Variants in VPS13B observed in about 807,000 individuals in gnomAD.
The protein encoded by VPS13B is vacuolar protein sorting 13 homolog B.
Under a neutral mutation model 426.4 loss-of-function variants are expected in VPS13B, and 285 were observed. The observed-to-expected ratio is 0.67, with a 90% confidence interval of 0.61 to 0.74. The LOEUF (loss-of-function observed/expected upper bound fraction) is 0.74. Among genes scored for constraint, VPS13B ranks in the 30% least tolerant of loss-of-function variants. The pLI, the probability that VPS13B is intolerant of heterozygous loss-of-function variation, is 0.00. For missense variants in VPS13B, 4,537 were observed against 4,782.6 expected (o/e 0.95, Z 1.51); for synonymous variants, 1,676 against 1,676.4 (o/e 1.00, Z 0.01).
intron 31 of VPS13B, among the ~76,000 whole-genome samples, chr8:99,567,467 G>A (rs1352347349): frequency 7.1e-6 from 1 of 140,534 alleles, no homozygotes. Context: ...TGGCAGGAAA[G>A]TTTTTGTTGG....
chr8:99,616,688 G>T (rs1311237464), intron 33 of VPS13B, among the ~76,000 whole-genome samples: 1 of 152,188 alleles, frequency 6.6e-6, no homozygotes, highest in Non-Finnish European at 1.5e-5. Context: ...AGCTGGACGT[G>T]GTGGCGGGTG....
chr8:99,014,759 A>AG (rs2132129893), intron 2 of VPS13B, among the ~76,000 whole-genome samples: 2 of 151,792 alleles, frequency 1.3e-5, no homozygotes, highest in East Asian at 3.9e-4. Context: ...CGGCATCCTC[A>AG]GAGTGTTGAG....
intron 20 of VPS13B, among the ~76,000 whole-genome samples, chr8:99,389,989 G>T (rs1170841770): frequency 6.6e-6 from 1 of 151,948 alleles, no homozygotes; most frequent in Non-Finnish European, 1.5e-5. Flanking sequence ...TCTTAAAAAT[G>T]GTTTCCAATT....
At chr8:99,577,878 G>A in intron 33 of VPS13B, 1 of 493,976 alleles carries the variant, frequency 2.0e-6, no homozygotes, top group Non-Finnish European at 3.6e-6. Context: ...AGGAACCTCT[G>A]TTATATACAT....
At chr8:99,307,230 T>C (rs1446386453) in intron 19 of VPS13B, among the ~76,000 whole-genome samples, 1 of 152,150 alleles carries the variant, frequency 6.6e-6, no homozygotes, top group Non-Finnish European at 1.5e-5. Context: ...TATGTTTGTA[T>C]ATATTTATTT....
At chr8:99,771,168 G>A (rs528182667) in intron 40 of VPS13B, among the ~76,000 whole-genome samples, 1 of 151,922 alleles carries the variant, frequency 6.6e-6, no homozygotes, top group South Asian at 2.1e-4. Context: ...ATCTCAATAT[G>A]TATGTCTGGT....
chr8:99,570,049 G>C (rs888000047), intron 31 of VPS13B, among the ~76,000 whole-genome samples: 5 of 152,078 alleles, frequency 3.3e-5, no homozygotes, highest in African/African-American at 1.2e-4. Context: ...GCGAATTATT[G>C]ATTCTACAGC....
chr8:99,831,950 G>T lies in VPS13B; in HGVS notation c.9331-419G>T, dbSNP rs1243669521. 1.3e-5 allele frequency among the ~76,000 whole-genome samples: 2 copies of T among 152,140 alleles called. 1 individual carries two copies. Among genetic ancestry groups the T allele is most frequent in the South Asian group, 4.1e-4 (2 of 4,834 alleles). On this transcript the variant is annotated intron_variant, in intron 51 of 61. Coordinates refer to ENST00000357162, the MANE Select transcript of VPS13B (RefSeq NM_152564.5). ...CTCTTTCTAAAAATACATAGTTATA[G>T]ATGGTGTCTTAGAAGATGTGCTTTA...
chr8:99,702,672 AAC>A (rs1333340889), intron 36 of VPS13B, among the ~76,000 whole-genome samples: 3 of 151,918 alleles, frequency 2.0e-5, no homozygotes, highest in Non-Finnish European at 4.4e-5. Context: ...GATTTTAATA[AAC>A]ACAGTCAAAA....
chr8:99,331,344 C>A (rs185238352), intron 19 of VPS13B, among the ~76,000 whole-genome samples: 1 of 151,854 alleles, frequency 6.6e-6, no homozygotes, highest in Admixed American at 6.6e-5. Context: ...GTAGCTACTA[C>A]ATTGACAGGT....
At chr8:99,022,062 C>G (rs1285991276) in intron 2 of VPS13B, among the ~76,000 whole-genome samples, 1 of 151,886 alleles carries the variant, frequency 6.6e-6, no homozygotes, top group Non-Finnish European at 1.5e-5. Flanking sequence ...TTTCAAAGAA[C>G]TAATTTTTCT....
intron 24 of VPS13B, among the ~76,000 whole-genome samples, chr8:99,475,962 CAATA>C (rs1374116663): frequency 3.9e-5 from 6 of 152,218 alleles, no homozygotes; most frequent in African/African-American, 1.4e-4. Context: ...TGGAGTTACT[CAATA>C]AATCCTCATA....
chr8:99,231,266 C>CT (rs112920734), intron 17 of VPS13B, among the ~76,000 whole-genome samples: 47 of 146,424 alleles, frequency 3.2e-4, no homozygotes, highest in Admixed American at 4.1e-4. Context: ...TAACCTAGTA[C>CT]TTTTTTTTTT....
In VPS13B at chr8:99,208,860, A is replaced by T. The variant is rs561179863; in HGVS notation, c.2515+15803A>T. The stretch of plus-strand genomic sequence containing the variant: ...CTCTTGTACATTCTTTGAAGTAGAA[A>T]ATCTGAACAATATTTTACAGGTTTA... On this transcript the variant is annotated intron_variant, in intron 17 of 61. Transcript: ENST00000357162. Among the ~76,000 whole-genome samples the T allele has an allele frequency of 1.3e-4, 20 of 152,354 alleles. 1 individual carries two copies. In the South Asian group the frequency reaches 4.1e-3, roughly 32 times the overall value.
intron 30 of VPS13B, among the ~76,000 whole-genome samples, chr8:99,533,808 G>T (rs970772540): frequency 9.2e-5 from 14 of 151,866 alleles, no homozygotes; most frequent in Non-Finnish European, 1.5e-5. Flanking sequence ...TATCTTTATG[G>T]TTTCTCCTAA....
intron 25 of VPS13B, among the ~76,000 whole-genome samples, chr8:99,493,297 T>C (rs1007818560): frequency 6.6e-6 from 1 of 152,190 alleles, no homozygotes; most frequent in African/African-American, 2.4e-5. Context: ...TTATACTCTC[T>C]TTATAAATGA....
chr8:99,119,898 T>C (rs117271167), intron 7 of VPS13B, among the ~76,000 whole-genome samples: 2,316 of 152,098 alleles, frequency 0.015, 23 homozygotes, highest in Non-Finnish European at 0.02. Flanking sequence ...TTTTTGTTTT[T>C]AGACAGGGTC....
chr8:99,785,724 T>C (rs1812224650), intron 43 of VPS13B, among the ~76,000 whole-genome samples: 1 of 152,168 alleles, frequency 6.6e-6, no homozygotes, highest in Non-Finnish European at 1.5e-5. Context: ...ACTACAAAAG[T>C]GAGAGCATAC....
At chr8:99,092,202 G>A (rs570304224) in intron 3 of VPS13B, 15 of 152,100 alleles carry the variant, frequency 9.9e-5, no homozygotes, top group Non-Finnish European at 1.9e-4. Flanking sequence ...TTTTTCCTCT[G>A]TTAGGAACTT....
Sources: allele counts gnomAD v4.1 joint callset (sites outside exome capture counted in the v4.1 genomes callset), GRCh38; gene constraint gnomAD v4.1.1; transcripts MANE v1.5; gene names NCBI Gene and HGNC (gene_info 2026-07-23, HGNC 2026-07-21).